Variants in DEPDC5 observed in about 807,000 individuals in gnomAD.
The protein encoded by DEPDC5 is GATOR1 complex protein DEPDC5.
A neutral mutation model predicts 217.3 loss-of-function variants in DEPDC5; 73 were observed. That is an observed-to-expected ratio of 0.34 (90% CI 0.28 to 0.41). The LOEUF is 0.41. DEPDC5 is among the 10% of genes least tolerant of loss of function. The probability of loss-of-function intolerance (pLI) is 1.00; values close to 1 mark genes in which losing one functional copy is unlikely to be tolerated. For missense variants in DEPDC5, 1,675 were observed against 2,070.1 expected (o/e 0.81, Z 3.70); for synonymous variants, 733 against 756.7 (o/e 0.97, Z 0.51).
intron 38 of DEPDC5, 134 bp downstream of exon 38, chr22:31,879,886 T>C: frequency 1.2e-6 from 1 of 850,256 alleles, no homozygotes; most frequent in Non-Finnish European, 1.8e-6. Context: ...CCACTGTGTC[T>C]GTCGGCACTG....
chr22:31,810,610 C>G lies in DEPDC5; in HGVS notation c.1414C>G (p.Pro472Ala). 1 of 1,614,170 alleles carries G rather than the reference C, an allele frequency of 6.2e-7. No individual in the cohort carries two copies. Among genetic ancestry groups the G allele is most frequent in the South Asian group, 1.1e-5 (1 of 91,066 alleles). The change falls in exon 20 of 43, where the codon CCA becomes GCA. Residue 472 changes from proline (P) to alanine (A), a missense_variant. Coordinates refer to ENST00000651528, the MANE Select transcript of DEPDC5 (RefSeq NM_001242896.3). ...CGCTCAAGTGTTCAGGCTGCCCGGC[C>G]CATCCCGGGCCCAGTGCCTCACCAC... ...YDAQVFRLPG[P>A]SRAQCLTTCR... is the part of the protein sequence containing the mutation.
At chr22:31,874,481 C>G in intron 36 of DEPDC5, 76 bp downstream of exon 36, 2 of 1,492,044 alleles carry the variant, frequency 1.3e-6, no homozygotes, top group South Asian at 2.7e-5. Flanking sequence ...GAAGCCATCA[C>G]CCTTTCCAGT....
Position 31,845,375 on chromosome 22 carries a change from GT to G in DEPDC5, c.3021+142del, listed in dbSNP as rs2091667635. ...GTGTTTACCTTAAATCCAAAACAGT[GT>G]TTTCTCCTCCACCGCGGGGTAAAGG... is the stretch of plus-strand genomic sequence containing the variant. On this transcript the variant is annotated intron_variant, in intron 30 of 42. Transcript: ENST00000651528. 6 of 1,181,978 alleles carry G rather than the reference GT, an allele frequency of 5.1e-6. No individual in the cohort carries two copies. The East Asian group carries it at 1.0e-4, about 20-fold the overall frequency. The allele number at this position is 1,181,978 out of a possible 1,614,324, so 73.2% of individuals were successfully genotyped here.
chr22:31,806,083 G>A, intron 17 of DEPDC5, 39 bp from the exon 18 acceptor site: 1 of 1,568,488 alleles, frequency 6.4e-7, no homozygotes, highest in East Asian at 2.2e-5. Context: ...TTAAAATAAA[G>A]GGAATTTAGA....
intron 38 of DEPDC5, among the ~76,000 whole-genome samples, chr22:31,884,264 C>T (rs1467532098): frequency 6.6e-6 from 1 of 152,214 alleles, no homozygotes; most frequent in Non-Finnish European, 1.5e-5. Flanking sequence ...CCTCGCAGTA[C>T]TCAGTGTAGC....
At chr22:31,811,131 A>T (rs1049707898) in intron 20 of DEPDC5, among the ~76,000 whole-genome samples, 15 of 148,724 alleles carry the variant, frequency 1.0e-4, no homozygotes, top group Non-Finnish European at 1.9e-4. Context: ...GTGCAATGAC[A>T]CAATCTCTGC....
At chr22:31,755,763 AT>A (rs1014166297) in intron 2 of DEPDC5, among the ~76,000 whole-genome samples, 8 of 150,642 alleles carry the variant, frequency 5.3e-5, no homozygotes, top group Non-Finnish European at 7.4e-5. Context: ...ACTTAGTATA[AT>A]TTTTTTTTCT....
At chr22:31,874,211 T>C (rs1159814883) in intron 35 of DEPDC5, 62 bp from the exon 36 acceptor site, 5 of 1,564,086 alleles carry the variant, frequency 3.2e-6, no homozygotes, top group African/African-American at 2.7e-5. Flanking sequence ...TCATCTTTCC[T>C]TCCACTTGTT....
At chr22:31,905,524 G>A (rs1023832917) in intron 41 of DEPDC5, among the ~76,000 whole-genome samples, 1 of 151,864 alleles carries the variant, frequency 6.6e-6, no homozygotes, top group African/African-American at 2.4e-5. Context: ...GGATAGCCTC[G>A]AGTATGCGGG....
chr22:31,902,408 T>TTATTTATATATATATA (rs1555938650), intron 41 of DEPDC5, among the ~76,000 whole-genome samples: 3 of 111,948 alleles, frequency 2.7e-5, no homozygotes, highest in African/African-American at 1.0e-4. Flanking sequence ...CATCTCCTTA[T>TTATTTATATATATATA]TATATATATA....
Position 31,773,287 on chromosome 22 carries a change from A to G in DEPDC5, c.413+4424A>G, listed in dbSNP as rs549476412. Among the ~76,000 whole-genome samples, 17 of 152,224 alleles carry G rather than the reference A, an allele frequency of 1.1e-4. No individual in the cohort carries two copies. The South Asian group carries it at 3.5e-3, about 32-fold the overall frequency. ...ACTACAGCCTCAACCTCCTAGGCCCAAGCAATACTCCCACCTCAGCCTCCT... is the reference window on the plus strand; with the variant it reads ...ACTACAGCCTCAACCTCCTAGGCCCGAGCAATACTCCCACCTCAGCCTCCT... On this transcript the variant is annotated intron_variant, in intron 7 of 42. Coordinates refer to ENST00000651528, the MANE Select transcript of DEPDC5 (RefSeq NM_001242896.3).
At chr22:31,897,427 C>T (rs2093572910) in intron 39 of DEPDC5, 55 bp from the exon 40 acceptor site, 1 of 1,554,100 alleles carries the variant, frequency 6.4e-7, no homozygotes, top group Non-Finnish European at 8.7e-7. Flanking sequence ...GAAGTATTTT[C>T]TCTTGTTTGA....
At position 31,815,205 on chromosome 22, in the gene DEPDC5, C is replaced by T. The variant is rs1183794456; in HGVS notation, c.1659C>T (p.Ser553=). 1.9e-6 allele frequency: 3 copies of T among 1,614,156 alleles called. No individual in the cohort carries two copies. Among genetic ancestry groups the T allele is most frequent in the African/African-American group, 1.3e-5 (1 of 75,034 alleles). ...TCAGCAGCTCCTTGGGATACACCAG[C>T]ACTCGAGGTAAGAGTGCTGAAGCAC... is the stretch of plus-strand genomic sequence containing the variant. ...YEVSSSLGYT[S]TRDVLENMME... The change falls in exon 21 of 43, where the codon AGC becomes AGT. Residue 553 remains serine, a synonymous_variant. Coordinates refer to ENST00000651528, the MANE Select transcript of DEPDC5 (RefSeq NM_001242896.3).
At chr22:31,879,067 T>TACATAC (rs1555918457) in intron 37 of DEPDC5, among the ~76,000 whole-genome samples, 1 of 133,960 alleles carries the variant, frequency 7.5e-6, no homozygotes, top group African/African-American at 3.0e-5. Context: ...TATATATATA[T>TACATAC]ACACACACAC....
At chr22:31,788,118 G>A (rs995096080) in intron 10 of DEPDC5, among the ~76,000 whole-genome samples, 7 of 151,528 alleles carry the variant, frequency 4.6e-5, no homozygotes, top group Non-Finnish European at 5.9e-5. Flanking sequence ...AAACAAATGG[G>A]CAAAGGACTT....
chr22:31,878,481 A>C (rs2093067056), intron 37 of DEPDC5, among the ~76,000 whole-genome samples: 1 of 151,700 alleles, frequency 6.6e-6, no homozygotes, highest in African/African-American at 2.4e-5. Context: ...AGGTATGAGG[A>C]TCTCTTGAGG....
At chr22:31,829,358 C>T (rs1408849508) in intron 24 of DEPDC5, among the ~76,000 whole-genome samples, 1 of 152,086 alleles carries the variant, frequency 6.6e-6, no homozygotes, top group Non-Finnish European at 1.5e-5. Flanking sequence ...ATGTTGAAAC[C>T]CCGCCTCTAC....
intron 12 of DEPDC5, among the ~76,000 whole-genome samples, chr22:31,796,782 C>T (rs186133458): frequency 2.0e-5 from 3 of 151,068 alleles, no homozygotes; most frequent in Non-Finnish European, 3.0e-5. Flanking sequence ...CTGAAACCTC[C>T]GCCTCCTGGG....
intron 40 of DEPDC5, 148 bp downstream of exon 40, chr22:31,897,801 C>A: frequency 2.2e-6 from 2 of 923,052 alleles, no homozygotes; most frequent in Non-Finnish European, 3.2e-6. Flanking sequence ...TCTAAAGGAT[C>A]CTGATTCTTG....
Sources: gnomAD v4.1 joint callset for allele counts (sites outside exome capture counted in the v4.1 genomes callset) on GRCh38, gnomAD v4.1.1 for gene constraint, MANE v1.5 for transcripts, NCBI Gene and HGNC (gene_info 2026-07-23, HGNC 2026-07-21) for gene names.